Variants in TOP2B observed in about 807,000 individuals in gnomAD.
TOP2B encodes the protein DNA topoisomerase II beta, also known as DNA topoisomerase 2-beta.
Under a neutral mutation model 193.5 loss-of-function variants are expected in TOP2B, and 51 were observed. The ratio of observed to expected loss-of-function variants is 0.26; its 90% CI spans 0.21 to 0.33. The LOEUF (loss-of-function observed/expected upper bound fraction) is 0.33, where lower values mean the gene tolerates loss of function less well. Ranked by LOEUF, TOP2B falls within the 10% of genes least tolerant of loss-of-function variation. TOP2B has a pLI of 1.00. For missense variants in TOP2B, 1,378 were observed against 1,909.3 expected (o/e 0.72, Z 5.19); for synonymous variants, 634 against 635.7 (o/e 1.00, Z 0.04).
chr3:25,627,981 A>G (rs1702851212), intron 15 of TOP2B, among the ~76,000 whole-genome samples: 2 of 151,358 alleles, frequency 1.3e-5, no homozygotes, highest in Admixed American at 6.6e-5. Context: ...GAATCACTTG[A>G]ACACATGAGG....
chr3:25,611,949 TA>T (rs1267122363), intron 28 of TOP2B, among the ~76,000 whole-genome samples: 2 of 152,138 alleles, frequency 1.3e-5, no homozygotes, highest in Admixed American at 6.5e-5. Context: ...TTTATTTATT[TA>T]TTTTTTTTTG....
rs2125417586 is a variant in TOP2B, at chr3:25,664,578, G to C, written c.-281C>G. On this transcript the variant is annotated 5_prime_UTR_variant, in exon 1 of 36. Coordinates refer to ENST00000264331, the MANE Select transcript of TOP2B (RefSeq NM_001330700.2). ...GCAGGGAGCGACCGGCGGCGGCCGAGCGGCGGCGTTGCCTTCTCGCCCGCC... is the reference window on the plus strand; with the variant it reads ...GCAGGGAGCGACCGGCGGCGGCCGACCGGCGGCGTTGCCTTCTCGCCCGCC... 9.6e-7 allele frequency: 1 copy of C among 1,043,306 alleles called. No individual in the cohort carries two copies. Among genetic ancestry groups the C allele is most frequent in the East Asian group, 7.8e-5 (1 of 12,840 alleles). The allele number at this position is 1,043,306 out of a possible 1,614,324, so 64.6% of individuals were successfully genotyped here.
chr3:25,641,462 T>C (rs1158192436), intron 4 of TOP2B, among the ~76,000 whole-genome samples: 15 of 152,158 alleles, frequency 9.9e-5, no homozygotes, highest in Non-Finnish European at 1.9e-4. Flanking sequence ...TTGTAACTTA[T>C]GTCTTGTATG....
chr3:25,601,306 T>C, intron 33 of TOP2B, 81 bp from the exon 34 acceptor site: 1 of 1,472,602 alleles, frequency 6.8e-7, no homozygotes, highest in Non-Finnish European at 9.1e-7. Context: ...AAATGGAATT[T>C]CTTATAGCTG....
At chr3:25,599,950 T>C (rs930514927) in intron 34 of TOP2B, among the ~76,000 whole-genome samples, 2 of 152,218 alleles carry the variant, frequency 1.3e-5, no homozygotes, top group African/African-American at 4.8e-5. Flanking sequence ...TACTAAAAAA[T>C]GTAATCACAT....
At chr3:25,655,119 G>C (rs1180340832) in intron 1 of TOP2B, among the ~76,000 whole-genome samples, 1 of 152,100 alleles carries the variant, frequency 6.6e-6, no homozygotes, top group African/African-American at 2.4e-5. Flanking sequence ...AAAAGGCAGC[G>C]TATGGAATGG....
At chr3:25,655,286 G>C (rs1052100107) in intron 1 of TOP2B, among the ~76,000 whole-genome samples, 1 of 152,060 alleles carries the variant, frequency 6.6e-6, no homozygotes, top group African/African-American at 2.4e-5. Context: ...CATATGAAAA[G>C]ATAATCAACA....
At chr3:25,607,454 T>C (rs1702263738) in intron 30 of TOP2B, 79 bp from the exon 31 acceptor site, 1 of 1,426,244 alleles carries the variant, frequency 7.0e-7, no homozygotes, top group African/African-American at 1.4e-5. Context: ...GATAAAGCAT[T>C]TGAAGTATAT....
At chr3:25,625,673 TC>T (rs1447347553) in intron 18 of TOP2B, among the ~76,000 whole-genome samples, 1 of 152,206 alleles carries the variant, frequency 6.6e-6, no homozygotes, top group Non-Finnish European at 1.5e-5. Context: ...CAATTCTTCC[TC>T]TTCCAATGTG....
chr3:25,604,968 A>G, intron 32 of TOP2B, 98 bp from the exon 33 acceptor site: 1 of 776,524 alleles, frequency 1.3e-6, no homozygotes, highest in Admixed American at 2.5e-5. Flanking sequence ...TAGCTAGACA[A>G]TTGATCTTAT....
intron 1 of TOP2B, among the ~76,000 whole-genome samples, chr3:25,654,594 T>C (rs1177533858): frequency 1.3e-5 from 2 of 152,128 alleles, no homozygotes; most frequent in African/African-American, 2.4e-5. Flanking sequence ...CTAAAATTCA[T>C]ATGGAATCTC....
At position 25,633,954 on chromosome 3, in the gene TOP2B, C is replaced by A; in HGVS notation, c.913G>T (p.Val305Leu). The A allele has an allele frequency of 1.2e-6, 2 of 1,612,750 alleles. No individual in the cohort carries two copies. The highest frequency in any genetic ancestry group is 8.5e-7 in the Non-Finnish European group (1 of 1,179,164). ...AGCTCATGAATAACTTTCAGGGCCACCCCAGTTTCATCCAATTTGTCTTTC... is the reference window on the plus strand; with the variant it reads ...AGCTCATGAATAACTTTCAGGGCCAACCCAGTTTCATCCAATTTGTCTTTC... ...YVKDKLDETG[V>L]ALKVIHELAN... The change falls in exon 8 of 36, where the codon GTG (valine) becomes TTG (leucine). Residue 305 changes from valine (V) to leucine (L), a missense_variant. Physicochemically the swap from Val to Leu is conservative, Grantham distance 32. Around this residue, in one of 9 missense-constraint regions of TOP2B, gnomAD observed 222 missense variants for 306.6 expected, o/e 0.72. Coordinates refer to ENST00000264331, the MANE Select transcript of TOP2B (RefSeq NM_001330700.2).
At chr3:25,640,153 A>G (rs1358929501) in intron 4 of TOP2B, among the ~76,000 whole-genome samples, 1 of 152,228 alleles carries the variant, frequency 6.6e-6, no homozygotes, top group African/African-American at 2.4e-5. Flanking sequence ...TATTTTAATC[A>G]AAATAATACT....
In TOP2B at chr3:25,632,317, T is replaced by C. The variant is rs538918581; in HGVS notation, c.1266+129A>G. 5.2e-4 allele frequency: 382 copies of C among 740,172 alleles called. No individual in the cohort carries two copies. In the African/African-American group the frequency reaches 5.7e-3, roughly 11 times the overall value. The allele number at this position is 740,172 out of a possible 1,614,324, so 45.9% of individuals were successfully genotyped here. A position where few individuals can be genotyped will look rare whatever the true frequency, so the allele number is the denominator to read the frequency against. ...AAGTTATCAAATTAAGCATATTAGT[T>C]TGTAGTGCAAGCATGCTTATACCCA... On this transcript the variant is annotated intron_variant, in intron 10 of 35. Transcript: ENST00000264331.
chr3:25,613,297 C>T (rs907798112), intron 27 of TOP2B, among the ~76,000 whole-genome samples: 1 of 151,982 alleles, frequency 6.6e-6, no homozygotes, highest in African/African-American at 2.4e-5. Flanking sequence ...CTTTGAAAGG[C>T]ACAAGGAAAA....
At chr3:25,626,187 G>A (rs1019548126) in intron 18 of TOP2B, among the ~76,000 whole-genome samples, 3 of 151,942 alleles carry the variant, frequency 2.0e-5, no homozygotes, top group Non-Finnish European at 1.5e-5. Context: ...ATTAGGCTTT[G>A]GGTAATACAG....
chr3:25,638,190 A>T lies in TOP2B; in HGVS notation c.516T>A (p.Tyr172Ter). 6.4e-7 allele frequency: 1 copy of T among 1,569,084 alleles called. No homozygotes were observed. Among genetic ancestry groups the T allele is most frequent in the Non-Finnish European group, 8.7e-7 (1 of 1,155,378 alleles). ...CTGTAACTTTTTTCTCATCATCATCATAGTTACTGGATGTTAAAAGCTGTC... is the reference window on the plus strand; with the variant it reads ...CTGTAACTTTTTTCTCATCATCATCTTAGTTACTGGATGTTAAAAGCTGTC... ...IFGQLLTSSN[Y>*]DDDEKKVTGG... is the part of the protein sequence containing the mutation. The change falls in exon 5 of 36, where the codon TAT (tyrosine) becomes TAA (stop). Residue 172 changes from tyrosine to a stop codon, truncating the protein, a stop_gained. Coordinates refer to ENST00000264331, the MANE Select transcript of TOP2B (RefSeq NM_001330700.2). LOFTEE classifies it high-confidence loss of function.
At chr3:25,618,310 T>A (rs1702565551) in intron 25 of TOP2B, 108 bp downstream of exon 25, 1 of 734,780 alleles carries the variant, frequency 1.4e-6, no homozygotes, top group Non-Finnish European at 2.3e-6. Flanking sequence ...AATAGACAAC[T>A]CAGCACCTTT....
intron 33 of TOP2B, 92 bp downstream of exon 33, chr3:25,604,668 A>G (rs1002189754): frequency 1.0e-5 from 11 of 1,105,120 alleles, no homozygotes. Flanking sequence ...TTTTATGATA[A>G]AAAAATGCAA....
Sources: gnomAD v4.1 joint callset for allele counts (sites outside exome capture counted in the v4.1 genomes callset) on GRCh38, gnomAD v4.1.1 for gene constraint, gnomAD v4.1.1 regional missense constraint, MANE v1.5 for transcripts, NCBI Gene and HGNC (gene_info 2026-07-23, HGNC 2026-07-21) for gene names.